Variants in NBEA observed in about 807,000 individuals in gnomAD.
NBEA encodes lysosomal-trafficking regulator 2.
NBEA carries 44 observed loss-of-function variants against 343.4 expected under a neutral mutation model. That is an observed-to-expected ratio of 0.13 (90% CI 0.10 to 0.16). The LOEUF (loss-of-function observed/expected upper bound fraction) is 0.16. NBEA is among the 10% of genes least tolerant of loss of function. The pLI is 1.00. For synonymous variants in NBEA, 1,175 were observed against 1,238.7 expected, an observed-to-expected ratio of 0.95 and a Z score of 1.08; for missense variants, 2,555 against 3,631.3, an observed-to-expected ratio of 0.70 and a Z score of 7.62.
At chr13:35,258,385 C>G (rs780909486) in intron 34 of NBEA, among the ~76,000 whole-genome samples, 1 of 151,890 alleles carries the variant, frequency 6.6e-6, no homozygotes, top group African/African-American at 2.4e-5. Flanking sequence ...AGGCTGGTCT[C>G]GATCTCCTGA....
intron 41 of NBEA, among the ~76,000 whole-genome samples, chr13:35,497,117 T>G (rs559903075): frequency 1.3e-5 from 2 of 152,042 alleles, no homozygotes; most frequent in Non-Finnish European, 2.9e-5. Flanking sequence ...ATTAAGGATA[T>G]GATCACCAGT....
At position 35,206,139 on chromosome 13, in the gene NBEA, C is replaced by T. The variant is rs569743485; in HGVS notation, c.5367-2561C>T. ...ACCTGTCTATATTTTACTTATAAGT[C>T]ATAATTATGGGATTTAGAGATTTTT... On this transcript the variant is annotated intron_variant, in intron 31 of 58. Transcript: ENST00000379939. 3.9e-5 allele frequency among the ~76,000 whole-genome samples: 6 copies of T among 152,104 alleles called. No individual in the cohort carries two copies. The East Asian group carries it at 1.2e-3, about 29-fold the overall frequency.
At position 35,150,069 on chromosome 13, in the gene NBEA, C is replaced by A. The variant is rs2068680956; in HGVS notation, c.2446-5705C>A. Among the ~76,000 whole-genome samples, 14 of 152,246 alleles carry A rather than the reference C, an allele frequency of 9.2e-5. 1 individual carries two copies. In the South Asian group the frequency reaches 2.9e-3, roughly 32 times the overall value. On this transcript the variant is annotated intron_variant, in intron 18 of 58. Coordinates refer to ENST00000379939, the MANE Select transcript of NBEA (RefSeq NM_001385012.1). ...GGAAAACTCAAGATAAGTTTGAATT[C>A]TCTGATACTGGATGTGGGATGAGGC...
chr13:35,313,777 T>C (rs2037528119), intron 36 of NBEA, among the ~76,000 whole-genome samples: 1 of 152,114 alleles, frequency 6.6e-6, no homozygotes, highest in African/African-American at 2.4e-5. Flanking sequence ...GAAAAAGTGA[T>C]GATTTACCTA....
chr13:35,359,379 G>A (rs992259817), intron 38 of NBEA, among the ~76,000 whole-genome samples: 2 of 152,036 alleles, frequency 1.3e-5, no homozygotes, highest in Non-Finnish European at 2.9e-5. Flanking sequence ...GAATGTGCCT[G>A]TCTCTTTCAA....
intron 41 of NBEA, among the ~76,000 whole-genome samples, chr13:35,510,435 T>C (rs557544398): frequency 3.3e-5 from 5 of 152,358 alleles, no homozygotes; most frequent in African/African-American, 1.2e-4. Context: ...AGCTCTGTTG[T>C]TCTGACCTAT....
At chr13:35,658,367 A>G (rs1235075555) in intron 55 of NBEA, among the ~76,000 whole-genome samples, 1 of 152,210 alleles carries the variant, frequency 6.6e-6, no homozygotes, top group Non-Finnish European at 1.5e-5. Context: ...TAATGTGAAC[A>G]TACGTAGTAT....
At chr13:35,118,019 T>C (rs1043124664) in intron 14 of NBEA, among the ~76,000 whole-genome samples, 3 of 152,008 alleles carry the variant, frequency 2.0e-5, no homozygotes, top group African/African-American at 7.2e-5. Context: ...CAAATACTAA[T>C]GACTTTTAAA....
At chr13:35,139,744 GTTTTTTTTTTTT>G (rs36117821) in intron 17 of NBEA, among the ~76,000 whole-genome samples, 7 of 61,130 alleles carry the variant, frequency 1.1e-4, no homozygotes, top group African/African-American at 3.1e-4. Context: ...GATGGATGGC[GTTTTTTTTTTTT>G]TTTTTTTTTT....
chr13:34,997,438 A>G (rs548809640), intron 1 of NBEA, among the ~76,000 whole-genome samples: 2 of 151,940 alleles, frequency 1.3e-5, no homozygotes, highest in South Asian at 4.2e-4. Context: ...CCTTATTATT[A>G]TTTCCCAAAA....
chr13:35,007,238 T>C (rs1159368108), intron 1 of NBEA, among the ~76,000 whole-genome samples: 1 of 152,170 alleles, frequency 6.6e-6, no homozygotes, highest in Non-Finnish European at 1.5e-5. Context: ...AGTGTAATTA[T>C]AGGTATGATA....
At position 34,942,794 on chromosome 13, in the gene NBEA, C is replaced by G. The variant is rs868739215; in HGVS notation, c.-27C>G. 5 of 1,330,592 alleles carry G rather than the reference C, an allele frequency of 3.8e-6. No individual in the cohort carries two copies. In the South Asian group the frequency reaches 9.5e-5, roughly 25 times the overall value. The allele number at this position is 1,330,592 out of a possible 1,614,324, so 82.4% of individuals were successfully genotyped here. ...TACCGGCGGCGGCAGCGCCGCTGCT[C>G]TTCCCTTCTCCTCAGGAGGGGGGCC... is the stretch of plus-strand genomic sequence containing the variant. On this transcript the variant is annotated 5_prime_UTR_variant, in exon 1 of 59. Transcript: ENST00000379939.
Position 35,050,432 on chromosome 13 carries a change from A to G in NBEA, c.972+37A>G, listed in dbSNP as rs775229480. ...TAAATATTTTTATAACTCACCTGTT[A>G]TGACAGAATTCTTAACTCTCCTTTT... On this transcript the variant is annotated intron_variant, in intron 6 of 58. Coordinates refer to ENST00000379939, the MANE Select transcript of NBEA (RefSeq NM_001385012.1). 3 of 1,585,050 alleles carry G rather than the reference A, an allele frequency of 1.9e-6. No homozygotes were observed. In the African/African-American group the frequency reaches 4.0e-5, roughly 21 times the overall value.
At chr13:35,666,377 T>C (rs529348403) in intron 56 of NBEA, among the ~76,000 whole-genome samples, 3 of 136,596 alleles carry the variant, frequency 2.2e-5, no homozygotes, top group Non-Finnish European at 3.2e-5. Flanking sequence ...TAAAAAGTAA[T>C]AATATGTGTA....
intron 10 of NBEA, among the ~76,000 whole-genome samples, chr13:35,084,772 C>CA (rs2064640696): frequency 6.6e-6 from 1 of 151,768 alleles, no homozygotes; most frequent in South Asian, 2.1e-4. Flanking sequence ...AAAAACCCTT[C>CA]AAAAAATCAA....
At chr13:35,060,867 G>C (rs1339919845) in intron 8 of NBEA, among the ~76,000 whole-genome samples, 1 of 151,630 alleles carries the variant, frequency 6.6e-6, no homozygotes, top group Non-Finnish European at 1.5e-5. Context: ...GAGGGCTACA[G>C]TGGAATTTTT....
At chr13:35,476,697 C>T in intron 41 of NBEA, 1 of 998,820 alleles carries the variant, frequency 1.0e-6, no homozygotes, top group Non-Finnish European at 1.3e-6. Flanking sequence ...TCTAAGAGCC[C>T]AGATGCACTC....
chr13:35,208,996 A>T (rs2073586844), intron 32 of NBEA, 142 bp downstream of exon 32: 2 of 746,080 alleles, frequency 2.7e-6, no homozygotes, highest in East Asian at 6.1e-5. Flanking sequence ...TTATGTTATG[A>T]CTTTTAGAAT....
intron 10 of NBEA, among the ~76,000 whole-genome samples, chr13:35,084,437 A>G (rs574280958): frequency 6.6e-6 from 1 of 152,252 alleles, no homozygotes; most frequent in East Asian, 1.9e-4. Context: ...CTCACTCAAA[A>G]CCGCTCAACT....
Sources: allele counts gnomAD v4.1 joint callset (sites outside exome capture counted in the v4.1 genomes callset), GRCh38; gene constraint gnomAD v4.1.1; transcripts MANE v1.5; gene names NCBI Gene and HGNC (gene_info 2026-07-23, HGNC 2026-07-21).